The following TFPI variants were observed in gnomAD, a reference collection of about 807,000 sequenced individuals.
TFPI encodes the protein tissue factor pathway inhibitor.
TFPI carries 15 observed loss-of-function variants against 34.6 expected under a neutral mutation model. That is an observed-to-expected ratio of 0.43 (90% CI 0.29 to 0.67). The LOEUF is 0.67. TFPI is among the 30% of genes least tolerant of loss of function. The pLI is 0.15. For missense variants in TFPI, 301 were observed against 364.0 expected, an observed-to-expected ratio of 0.83 and a Z score of 1.41; for synonymous variants, 105 against 120.1, an observed-to-expected ratio of 0.87 and a Z score of 0.82.
chr2:187,548,666 G>T (rs563958765), intron 1 of TFPI, among the ~76,000 whole-genome samples: 63 of 152,124 alleles, frequency 4.1e-4, no homozygotes, highest in African/African-American at 1.5e-3. Flanking sequence ...GGTGGGGAGA[G>T]TAATATTGAC....
intron 1 of TFPI, among the ~76,000 whole-genome samples, chr2:187,528,291 AC>A (rs1346399101): frequency 3.9e-5 from 6 of 152,122 alleles, no homozygotes; most frequent in Non-Finnish European, 5.9e-5. Context: ...CAACAGTCAA[AC>A]CCTGAATGAA....
intron 1 of TFPI, among the ~76,000 whole-genome samples, chr2:187,532,293 T>C (rs926061872): frequency 6.6e-6 from 1 of 152,236 alleles, no homozygotes; most frequent in Admixed American, 6.5e-5. Context: ...GCAGGCAAGA[T>C]GGCTGAATAG....
At position 187,491,011 on chromosome 2, in the gene TFPI, A is replaced by G. The variant is rs184874896; in HGVS notation, c.320-2636T>C. ...CTCAGAACTTTACAACAATAATCTCATATTTTTCTCCTTCCTTCCTGTGTG... is the reference window on the plus strand; with the variant it reads ...CTCAGAACTTTACAACAATAATCTCGTATTTTTCTCCTTCCTTCCTGTGTG... On this transcript the variant is annotated intron_variant, in intron 3 of 7. Transcript: ENST00000233156. Among the ~76,000 whole-genome samples, 1,464 of 151,718 alleles carry G rather than the reference A, an allele frequency of 9.6e-3. 17 individuals carry two copies. The highest frequency in any genetic ancestry group is 0.015 in the Non-Finnish European group (1,044 of 67,772).
intron 6 of TFPI, among the ~76,000 whole-genome samples, chr2:187,471,017 T>C (rs1692001426): frequency 6.6e-6 from 1 of 152,246 alleles, no homozygotes; most frequent in Admixed American, 6.5e-5. Context: ...GTGAGGTTCC[T>C]AACACTAGAA....
intron 6 of TFPI, among the ~76,000 whole-genome samples, chr2:187,483,317 C>T (rs1180897535): frequency 6.6e-6 from 1 of 151,812 alleles, no homozygotes; most frequent in Non-Finnish European, 1.5e-5. Context: ...ATTCTTCACA[C>T]TCAGGCTAAG....
chr2:187,491,034 G>A (rs1264887356), intron 3 of TFPI, among the ~76,000 whole-genome samples: 1 of 151,528 alleles, frequency 6.6e-6, no homozygotes. Flanking sequence ...TCCTTCCTGT[G>A]TGCTTTAATT....
chr2:187,547,899 C>T (rs1295943624), intron 1 of TFPI, among the ~76,000 whole-genome samples: 1 of 152,090 alleles, frequency 6.6e-6, no homozygotes, highest in Non-Finnish European at 1.5e-5. Flanking sequence ...AATGCCCTAC[C>T]TAACTCATTC....
chr2:187,513,740 C>A (rs1384277196), intron 1 of TFPI: 1 of 152,582 alleles, frequency 6.6e-6, no homozygotes, highest in African/African-American at 2.4e-5. Context: ...GAAAACCCTA[C>A]CAAACTAAGC....
chr2:187,488,484 C>A lies in TFPI; in HGVS notation c.320-109G>T, dbSNP rs985099148. The A allele has an allele frequency of 1.0e-5, 6 of 596,920 alleles. No homozygotes were observed. In the Middle Eastern group the frequency reaches 1.2e-3, roughly 123 times the overall value. The allele number at this position is 596,920 out of a possible 1,614,324, so 37.0% of individuals were successfully genotyped here. A position where few individuals can be genotyped will look rare whatever the true frequency, so the allele number is the denominator to read the frequency against. On this transcript the variant is annotated intron_variant, in intron 3 of 7. Coordinates refer to ENST00000233156, the MANE Select transcript of TFPI (RefSeq NM_006287.6). ...CATATTTATTACCATTAAAATTATT[C>A]TTATACAGAATGTCTTAATAAAAAT...
chr2:187,505,626 A>G (rs1394392497), intron 1 of TFPI, among the ~76,000 whole-genome samples: 5 of 152,138 alleles, frequency 3.3e-5, no homozygotes, highest in Non-Finnish European at 7.4e-5. Context: ...AGAGTTTTTC[A>G]ATCAAAATAG....
chr2:187,479,408 A>T (rs1024213166), intron 6 of TFPI, among the ~76,000 whole-genome samples: 1 of 151,024 alleles, frequency 6.6e-6, no homozygotes, highest in African/African-American at 2.4e-5. Context: ...ATATAATTAC[A>T]TTATGTGTTA....
chr2:187,475,315 T>C (rs1692306255), intron 6 of TFPI, among the ~76,000 whole-genome samples: 1 of 152,196 alleles, frequency 6.6e-6, no homozygotes, highest in African/African-American at 2.4e-5. Context: ...TGTATAATTA[T>C]GTTTGAATTT....
intron 1 of TFPI, among the ~76,000 whole-genome samples, chr2:187,523,623 G>A (rs1687528093): frequency 6.6e-6 from 1 of 151,950 alleles, no homozygotes. Context: ...TCTTTGTGCT[G>A]TAGCTGTCTA....
intron 6 of TFPI, among the ~76,000 whole-genome samples, chr2:187,474,363 C>T (rs902866529): frequency 6.6e-6 from 1 of 152,132 alleles, no homozygotes; most frequent in Non-Finnish European, 1.5e-5. Flanking sequence ...GGGTACTTCG[C>T]AAACTCCAGG....
intron 6 of TFPI, chr2:187,478,573 CTA>C (rs1256104827): frequency 1.3e-5 from 19 of 1,416,304 alleles, no homozygotes; most frequent in Admixed American, 2.6e-5. Context: ...AGTGAGAAGA[CTA>C]TGTTTACTAT....
chr2:187,509,906 C>T (rs1686503840), intron 1 of TFPI, among the ~76,000 whole-genome samples: 1 of 152,164 alleles, frequency 6.6e-6, no homozygotes, highest in Non-Finnish European at 1.5e-5. Context: ...AAACTACATT[C>T]CTTATCCTTT....
intron 1 of TFPI, among the ~76,000 whole-genome samples, chr2:187,540,643 G>A (rs550591797): frequency 2.0e-5 from 3 of 151,868 alleles, no homozygotes; most frequent in Admixed American, 1.3e-4. Flanking sequence ...TAATCCCAAC[G>A]CTTTGGGAGG....
chr2:187,553,256 T>G (rs1425349711), intron 1 of TFPI, among the ~76,000 whole-genome samples: 1 of 152,070 alleles, frequency 6.6e-6, no homozygotes, highest in Non-Finnish European at 1.5e-5. Flanking sequence ...CTGGGCAGTA[T>G]GTTTCCTGCT....
chr2:187,551,026 C>T (rs74711979), intron 1 of TFPI, among the ~76,000 whole-genome samples: 3,135 of 152,070 alleles, frequency 0.021, 106 homozygotes, highest in African/African-American at 0.071. Context: ...TGGTATATTT[C>T]GAGGGTGTCA....
Sources: gnomAD v4.1 joint callset for allele counts (sites outside exome capture counted in the v4.1 genomes callset) on GRCh38, gnomAD v4.1.1 for gene constraint, MANE v1.5 for transcripts, NCBI Gene and HGNC (gene_info 2026-07-23, HGNC 2026-07-21) for gene names.